Variants in DKK2 observed in about 807,000 individuals in gnomAD.
DKK2 encodes the protein dickkopf-related protein 2.
In DKK2, 11 loss-of-function variants were observed where a neutral mutation model predicts 28.1. The ratio of observed to expected loss-of-function variants is 0.39; its 90% CI spans 0.25 to 0.65. DKK2 has a LOEUF of 0.65. Ranked by LOEUF, DKK2 falls within the 30% of genes least tolerant of loss-of-function variation. The probability of loss-of-function intolerance (pLI) is 0.47; values close to 1 mark genes in which losing one functional copy is unlikely to be tolerated. For missense variants in DKK2, 326 were observed against 335.5 expected (o/e 0.97, Z 0.22); for synonymous variants, 135 against 126.5 (o/e 1.07, Z -0.45).
At chr4:106,965,746 T>TC (rs1425319272) in intron 1 of DKK2, among the ~76,000 whole-genome samples, 15 of 83,524 alleles carry the variant, frequency 1.8e-4, no homozygotes, top group African/African-American at 5.9e-4. Context: ...CCCTCCCCCC[T>TC]CCCCCCACCC....
intron 1 of DKK2, among the ~76,000 whole-genome samples, chr4:107,001,713 C>T (rs1723362264): frequency 6.6e-6 from 1 of 152,034 alleles, no homozygotes; most frequent in Non-Finnish European, 1.5e-5. Context: ...TGTTTCATAC[C>T]ATTCAGTGTG....
chr4:107,024,493 T>C (rs1345876581), intron 1 of DKK2, among the ~76,000 whole-genome samples: 2 of 152,120 alleles, frequency 1.3e-5, no homozygotes, highest in South Asian at 2.1e-4. Flanking sequence ...ATTTTCAATC[T>C]CTCCACCGAT....
At chr4:106,997,068 C>T (rs1212116761) in intron 1 of DKK2, among the ~76,000 whole-genome samples, 6 of 151,974 alleles carry the variant, frequency 3.9e-5, no homozygotes, top group Admixed American at 3.3e-4. Context: ...TTAAAATAGC[C>T]ATTTTTTTTT....
At chr4:107,014,245 A>G (rs1014053452) in intron 1 of DKK2, among the ~76,000 whole-genome samples, 6 of 151,644 alleles carry the variant, frequency 4.0e-5, no homozygotes, top group African/African-American at 1.4e-4. Flanking sequence ...CTAAAAGTCC[A>G]TCAACAGATG....
intron 1 of DKK2, among the ~76,000 whole-genome samples, chr4:106,988,782 G>T (rs1289846810): frequency 6.6e-6 from 1 of 152,180 alleles, no homozygotes; most frequent in East Asian, 1.9e-4. Context: ...ACAGGAGAAA[G>T]CACTGTTAAG....
chr4:106,985,524 G>A (rs1174908119), intron 1 of DKK2, among the ~76,000 whole-genome samples: 2 of 151,894 alleles, frequency 1.3e-5, no homozygotes, highest in African/African-American at 2.4e-5. Context: ...AAATTAAGAC[G>A]GGGGCCAGGC....
At position 107,006,854 on chromosome 4, in the gene DKK2, T is replaced by G. The variant is rs113484012; in HGVS notation, c.222+28516A>C. ...TTTTTGAATGGGAAGTACATCACTT[T>G]GAGAGCTAAGTAAAAGGAAATCTTA... is the stretch of plus-strand genomic sequence containing the variant. On this transcript the variant is annotated intron_variant, in intron 1 of 3. Transcript: ENST00000285311. 9.3e-3 allele frequency among the ~76,000 whole-genome samples: 1,414 copies of G among 152,342 alleles called. 23 individuals carry two copies. Among genetic ancestry groups the G allele is most frequent in the African/African-American group, 0.032 (1,336 of 41,576 alleles).
At chr4:107,026,956 T>A (rs4956281) in intron 1 of DKK2, among the ~76,000 whole-genome samples, 36,014 of 151,934 alleles carry the variant, frequency 0.24, 4,638 homozygotes, top group East Asian at 0.53. Context: ...AAAAGAGAAC[T>A]GTTGAGCGAG....
chr4:106,986,513 C>A (rs1723122819), intron 1 of DKK2, among the ~76,000 whole-genome samples: 1 of 152,140 alleles, frequency 6.6e-6, no homozygotes, highest in Non-Finnish European at 1.5e-5. Context: ...AATATATAAT[C>A]TCTTAATGTT....
chr4:107,026,514 G>GA (rs539101006), intron 1 of DKK2, among the ~76,000 whole-genome samples: 1 of 151,716 alleles, frequency 6.6e-6, no homozygotes, highest in Non-Finnish European at 1.5e-5. Context: ...CTATCACAGA[G>GA]AAAAAAATGG....
chr4:106,994,287 T>G (rs1323754102), intron 1 of DKK2, among the ~76,000 whole-genome samples: 6 of 152,216 alleles, frequency 3.9e-5, no homozygotes, highest in African/African-American at 1.2e-4. Context: ...TATTGCTGGC[T>G]ATTTCTGAAG....
At chr4:106,974,134 G>T (rs1418914651) in intron 1 of DKK2, among the ~76,000 whole-genome samples, 1 of 152,064 alleles carries the variant, frequency 6.6e-6, no homozygotes, top group Non-Finnish European at 1.5e-5. Flanking sequence ...TGCTGTTTTG[G>T]TTACTGTAGC....
intron 1 of DKK2, among the ~76,000 whole-genome samples, chr4:106,987,567 C>T (rs1723138815): frequency 1.3e-5 from 2 of 152,116 alleles, no homozygotes; most frequent in Non-Finnish European, 2.9e-5. Context: ...GACGCAGGAT[C>T]CCAACTAGCC....
At position 106,922,102 on chromosome 4, in the gene DKK2, A is replaced by G. The variant is rs1010693106; in HGVS notation, c.*1852T>C. ...TCACCAAGCTTATAGCAACCTGTTT[A>G]TACAAACTTTGGTTCTTGGATGGAC... On this transcript the variant is annotated 3_prime_UTR_variant, in exon 4 of 4. Coordinates refer to ENST00000285311, the MANE Select transcript of DKK2 (RefSeq NM_014421.3). 2 of 152,598 alleles carry G rather than the reference A, an allele frequency of 1.3e-5. No homozygotes were observed. Among genetic ancestry groups the G allele is most frequent in the East Asian group, 1.9e-4 (1 of 5,200 alleles). 9.5% of individuals were successfully genotyped at this position (152,598 alleles called of 1,614,324 possible).
At chr4:106,971,006 G>T (rs1280591714) in intron 1 of DKK2, among the ~76,000 whole-genome samples, 1 of 152,104 alleles carries the variant, frequency 6.6e-6, no homozygotes, top group Non-Finnish European at 1.5e-5. Context: ...ATTAGGTTTT[G>T]CTTTGCTTTG....
intron 1 of DKK2, among the ~76,000 whole-genome samples, chr4:106,947,730 A>G (rs1025777847): frequency 6.8e-6 from 1 of 146,026 alleles, no homozygotes; most frequent in African/African-American, 2.6e-5. Context: ...GCTGGAGTGC[A>G]GTGGCATGAT....
intron 1 of DKK2, among the ~76,000 whole-genome samples, chr4:106,964,619 C>T (rs1722741039): frequency 6.6e-6 from 1 of 151,952 alleles, no homozygotes; most frequent in Non-Finnish European, 1.5e-5. Context: ...ATCACATGTG[C>T]CCTATAATCA....
intron 1 of DKK2, among the ~76,000 whole-genome samples, chr4:106,998,026 A>C (rs537281406): frequency 6.6e-6 from 1 of 152,298 alleles, no homozygotes; most frequent in African/African-American, 2.4e-5. Context: ...AGCTGTCAGA[A>C]CTGTTGAAGA....
chr4:106,946,372 A>T (rs1724775775), intron 1 of DKK2, among the ~76,000 whole-genome samples: 1 of 152,142 alleles, frequency 6.6e-6, no homozygotes. Context: ...CTTAAAAATG[A>T]TCCCTGGGAA....
Sources: allele counts gnomAD v4.1 joint callset (sites outside exome capture counted in the v4.1 genomes callset), GRCh38; gene constraint gnomAD v4.1.1; transcripts MANE v1.5; gene names NCBI Gene and HGNC (gene_info 2026-07-23, HGNC 2026-07-21).